The following SLTM variants were observed in gnomAD, a reference collection of about 807,000 sequenced individuals.
The protein encoded by SLTM is SAFB like transcription modulator, also known as SAFB-like transcription modulator.
Under a neutral mutation model 134.6 loss-of-function variants are expected in SLTM, and 43 were observed. The observed-to-expected ratio is 0.32, with a 90% CI of 0.25 to 0.41. The LOEUF is 0.41. Ranked by LOEUF, SLTM falls within the 10% of genes least tolerant of loss-of-function variation. The probability of loss-of-function intolerance (pLI) is 1.00; values close to 1 mark genes in which losing one functional copy is unlikely to be tolerated. For missense variants in SLTM, 1,055 were observed against 1,288.8 expected (o/e 0.82, Z 2.78); for synonymous variants, 424 against 432.3 (o/e 0.98, Z 0.24).
intron 2 of SLTM, among the ~76,000 whole-genome samples, chr15:58,931,265 G>C (rs1259244126): frequency 6.6e-6 from 1 of 151,960 alleles, no homozygotes; most frequent in Non-Finnish European, 1.5e-5. Flanking sequence ...CCTCTCCCAG[G>C]GAATGCTTAT....
chr15:58,913,728 G>C (rs139664751), intron 3 of SLTM, 32 bp from the exon 4 acceptor site: 17 of 1,585,560 alleles, frequency 1.1e-5, no homozygotes. Context: ...GGTACAACTA[G>C]AGGCAAAGTA....
intron 19 of SLTM, among the ~76,000 whole-genome samples, chr15:58,884,899 T>A (rs1394777392): frequency 2.6e-5 from 4 of 152,200 alleles, no homozygotes; most frequent in African/African-American, 9.7e-5. Flanking sequence ...CCTCCAAAAG[T>A]GCTAGGTTTA....
intron 5 of SLTM, among the ~76,000 whole-genome samples, chr15:58,912,297 C>T (rs1029282418): frequency 2.6e-5 from 4 of 151,992 alleles, no homozygotes; most frequent in Non-Finnish European, 5.9e-5. Flanking sequence ...GACGGGGTTT[C>T]GCCATCTTAG....
intron 5 of SLTM, among the ~76,000 whole-genome samples, chr15:58,908,450 T>C (rs1176705134): frequency 1.3e-5 from 2 of 152,160 alleles, no homozygotes; most frequent in Non-Finnish European, 2.9e-5. Context: ...CACTGCAGCC[T>C]TGACCTCCTG....
intron 5 of SLTM, among the ~76,000 whole-genome samples, chr15:58,902,938 A>G (rs1447523047): frequency 2.0e-5 from 3 of 149,714 alleles, no homozygotes; most frequent in Non-Finnish European, 3.0e-5. Context: ...GTCTCCCTCT[A>G]TCACCCAGGC....
At chr15:58,930,451 C>G (rs2037796955) in intron 2 of SLTM, among the ~76,000 whole-genome samples, 1 of 151,946 alleles carries the variant, frequency 6.6e-6, no homozygotes, top group East Asian at 1.9e-4. Flanking sequence ...CAACTTCTAA[C>G]TGAATACCTT....
Position 58,899,556 on chromosome 15 carries a change from C to T in SLTM, c.971G>A (p.Ser324Asn). ...GDPVEKEARE[S>N]SKKAESGDKE... ...GTCTCCAGATTCTGCTTTCTTAGAA[C>T]TTTCTCTGGCTTCCTTCTCGACAGG... Residue 324 changes from serine to asparagine, a missense_variant, in exon 7 of 21, where the codon AGT becomes AAT. By Grantham distance (46) the Ser-to-Asn change is conservative (BLOSUM62 1). Coordinates refer to ENST00000380516, the MANE Select transcript of SLTM (RefSeq NM_024755.4). The surrounding 1 kb of genome is among the most constrained non-coding windows in gnomAD (Gnocchi z 5.0). 1.2e-6 allele frequency: 2 copies of T among 1,614,154 alleles called. No individual in the cohort carries two copies. The highest frequency in any genetic ancestry group is 2.2e-5 in the South Asian group (2 of 91,084).
intron 2 of SLTM, among the ~76,000 whole-genome samples, chr15:58,921,280 T>C (rs2037026248): frequency 6.6e-6 from 1 of 152,234 alleles, no homozygotes; most frequent in South Asian, 2.1e-4. Context: ...ATTACAAAGC[T>C]AGTAAATGGC....
Position 58,887,499 on chromosome 15 carries a change from C to T in SLTM, c.2417G>A (p.Arg806Gln), listed in dbSNP as rs369591322. ...FVGQSEGKKA[R>Q]PTARREDPSF... ...TGGATCTTCCCTTCGTGCAGTAGGT[C>T]GTGCTTTTTTCCCCTCACTTTGACC... is the stretch of plus-strand genomic sequence containing the variant. The change falls in exon 18 of 21, where the codon CGA becomes CAA. Residue 806 changes from arginine (R) to glutamine (Q), a missense_variant. Arg to Gln is a conservative substitution (Grantham distance 43, BLOSUM62 1). This residue lies in a region of SLTM where 776 missense variants were observed against 962.2 expected (regional missense o/e 0.81). Transcript: ENST00000380516. 12 of 1,613,134 alleles carry T rather than the reference C, an allele frequency of 7.4e-6. No individual in the cohort carries two copies. Among genetic ancestry groups the T allele is most frequent in the South Asian group, 2.2e-5 (2 of 91,056 alleles).
intron 20 of SLTM, 128 bp from the exon 21 acceptor site, chr15:58,880,235 C>T (rs1261225188): frequency 2.4e-6 from 3 of 1,268,438 alleles, no homozygotes; most frequent in Non-Finnish European, 3.1e-6. Context: ...CCCGTGAGGT[C>T]TGAACCATTG....
intron 5 of SLTM, among the ~76,000 whole-genome samples, chr15:58,904,569 G>A (rs1188544207): frequency 2.1e-5 from 3 of 142,402 alleles, no homozygotes; most frequent in Non-Finnish European, 4.5e-5. Context: ...TTTTGAGGCA[G>A]AGTCTCACTC....
At chr15:58,927,531 A>C (rs1383263152) in intron 2 of SLTM, among the ~76,000 whole-genome samples, 1 of 152,236 alleles carries the variant, frequency 6.6e-6, no homozygotes, top group Non-Finnish European at 1.5e-5. Context: ...TCAGCTTCCC[A>C]AAGTACTGGG....
At chr15:58,904,669 TCCCAGTATGCACCACCACACC>T (rs1256315942) in intron 5 of SLTM, among the ~76,000 whole-genome samples, 2 of 151,536 alleles carry the variant, frequency 1.3e-5, no homozygotes, top group African/African-American at 4.8e-5. Context: ...GCCTCAGCCT[TCCCAGTATGCACCACCACACC>T]CGGCCAATTT....
intron 8 of SLTM, chr15:58,898,140 CTA>C (rs1210744641): frequency 6.6e-6 from 1 of 152,064 alleles, no homozygotes; most frequent in Non-Finnish European, 1.5e-5. Context: ...TTAAAATAAA[CTA>C]TGGAGGATGC....
chr15:58,927,611 A>G (rs1190089369), intron 2 of SLTM, among the ~76,000 whole-genome samples: 2 of 152,158 alleles, frequency 1.3e-5, no homozygotes, highest in Non-Finnish European at 2.9e-5. Context: ...AGCCCCAAAA[A>G]GGCCCTCAGT....
intron 5 of SLTM, among the ~76,000 whole-genome samples, chr15:58,907,188 G>A (rs1437514426): frequency 3.9e-5 from 6 of 152,032 alleles, no homozygotes. Flanking sequence ...GGCTGTGAGA[G>A]GTATACAGAT....
At chr15:58,894,709 T>G in intron 9 of SLTM, 127 bp from the exon 10 acceptor site, 2 of 891,632 alleles carry the variant, frequency 2.2e-6, no homozygotes, top group South Asian at 3.7e-5. Flanking sequence ...TCTCATGTTT[T>G]TTTTTTTTTT....
chr15:58,928,533 ATTGT>A (rs1294415844), intron 2 of SLTM, among the ~76,000 whole-genome samples: 63 of 152,310 alleles, frequency 4.1e-4, no homozygotes, highest in African/African-American at 1.3e-3. Context: ...CATTATCAAC[ATTGT>A]TTGTGCTTGT....
At chr15:58,892,399 CACTAATGCAAACAAT>C (rs1445016842) in intron 14 of SLTM, among the ~76,000 whole-genome samples, 2 of 152,228 alleles carry the variant, frequency 1.3e-5, no homozygotes, top group African/African-American at 2.4e-5. Flanking sequence ...TTCTCTTAGG[CACTAATGCAAACAAT>C]AAATTTTTGC....
Sources: gnomAD v4.1 joint callset for allele counts (sites outside exome capture counted in the v4.1 genomes callset) on GRCh38, gnomAD v4.1.1 for gene constraint, gnomAD v4.1.1 regional missense constraint, Gnocchi (gnomAD v3.1) non-coding constraint, MANE v1.5 for transcripts, NCBI Gene and HGNC (gene_info 2026-07-23, HGNC 2026-07-21) for gene names.